CTC1: variants seen among roughly 807,000 people sequenced by gnomAD.
The protein encoded by CTC1 is CST complex subunit CTC1.
Under a neutral mutation model 136.3 loss-of-function variants are expected in CTC1, and 91 were observed. That is an observed-to-expected ratio of 0.67 (90% CI 0.56 to 0.79). The LOEUF (loss-of-function observed/expected upper bound fraction) is 0.79. Ranked by LOEUF, CTC1 falls within the 30% of genes least tolerant of loss-of-function variation. The probability of loss-of-function intolerance (pLI) is 0.00; values close to 1 mark genes in which losing one functional copy is unlikely to be tolerated. For missense variants in CTC1, 1,432 were observed against 1,498.1 expected (o/e 0.96, Z 0.73); for synonymous variants, 606 against 613.8 (o/e 0.99, Z 0.19).
Position 8,231,807 on chromosome 17 carries a change from G to C in CTC1, c.2394C>G (p.Leu798=), listed in dbSNP as rs756329116. ...GNDDNDQKVH[L]IFFGSSVRWF... is the part of the protein sequence containing the mutation. ...AGCGGACTGAAGAGCCAAAGAAAAT[G>C]AGGTGAACCTGGGAGGATGGAGAGC... is the stretch of plus-strand genomic sequence containing the variant. The change falls in exon 14 of 23, where the codon CTC becomes CTG. Residue 798 remains leucine, a synonymous_variant. Transcript: ENST00000651323. 6.2e-7 allele frequency: 1 copy of C among 1,614,224 alleles called. No homozygotes were observed. The highest frequency in any genetic ancestry group is 1.1e-5 in the South Asian group (1 of 91,086).
intron 2 of CTC1, among the ~76,000 whole-genome samples, chr17:8,242,697 A>G (rs1019888869): frequency 1.3e-5 from 2 of 151,678 alleles, no homozygotes; most frequent in African/African-American, 4.8e-5. Flanking sequence ...TACACAAAAT[A>G]AAGATAACAC....
At chr17:8,232,830 CT>C in intron 11 of CTC1, 75 bp downstream of exon 11, 1 of 1,572,128 alleles carries the variant, frequency 6.4e-7, no homozygotes, top group Non-Finnish European at 8.7e-7. Flanking sequence ...TCCCAGCAGG[CT>C]TTTCCTCCCA....
intron 10 of CTC1, 145 bp from the exon 11 acceptor site, chr17:8,233,177 T>C (rs946654422): frequency 1.2e-4 from 101 of 826,318 alleles, no homozygotes; most frequent in Non-Finnish European, 1.8e-4. Context: ...TATATTCAAG[T>C]GGGGAAGACA....
In CTC1 at chr17:8,243,463, G is replaced by A. The variant is rs537436045; in HGVS notation, c.34-315C>T. ...GAACCCAGGAGGCGGAGGTTGTGGT[G>A]AGCCAAGATCGAGCCATTGCACTCC... On this transcript the variant is annotated intron_variant, in intron 1 of 22. Transcript: ENST00000651323. Among the ~76,000 whole-genome samples the A allele has an allele frequency of 2.6e-5, 4 of 151,070 alleles. No individual in the cohort carries two copies. In the South Asian group the frequency reaches 8.4e-4, roughly 32 times the overall value.
chr17:8,229,371 G>A lies in CTC1; in HGVS notation c.3087C>T (p.Cys1029=), dbSNP rs775991134. 1.1e-4 allele frequency: 173 copies of A among 1,614,094 alleles called. 3 individuals carry two copies. In the Admixed American group the frequency reaches 1.7e-3, roughly 16 times the overall value. Residue 1029 remains cysteine (C), a synonymous_variant, in exon 19 of 23, where the codon TGC becomes TGT. Transcript: ENST00000651323. Reference sequence around the variant, plus strand: ...GAAGGCTGAAGACAGAGACGATATGGCAAGAGGCAGTGGCCTGGAATGGGG... The same window carrying A: ...GAAGGCTGAAGACAGAGACGATATGACAAGAGGCAGTGGCCTGGAATGGGG... ...GQSPFQATAS[C]HIVSVFSLQL...
rs71159568 is a variant in CTC1, at chr17:8,237,665, CAAAAAAAAAAAAAAAAAAAAAAAAA to C, written c.648-171_648-147del. The C allele has an allele frequency of 1.2e-4, 7 of 58,366 alleles. 1 individual carries two copies. Among genetic ancestry groups the C allele is most frequent in the East Asian group, 3.7e-4 (1 of 2,696 alleles). 3.6% of individuals were successfully genotyped at this position (58,366 alleles called of 1,614,324 possible). On this transcript the variant is annotated intron_variant, in intron 4 of 22. Transcript: ENST00000651323. ...GGGCAGCAGGAGTGAAACTACGTCT[CAAAAAAAAAAAAAAAAAAAAAAAAA>C]AAAAAAAAAAAAGCAGCAGCAGTCA... is the stretch of plus-strand genomic sequence containing the variant.
intron 18 of CTC1, 35 bp from the exon 19 acceptor site, chr17:8,229,481 A>G (rs761612005): frequency 2.5e-6 from 4 of 1,595,186 alleles, no homozygotes; most frequent in African/African-American, 2.7e-5. Context: ...ACAGGGGTCA[A>G]GATAACAGAA....
Position 8,235,138 on chromosome 17 carries a change from G to T in CTC1, c.1354C>A (p.Leu452Met), listed in dbSNP as rs1987595222. 1 of 1,614,062 alleles carries T rather than the reference G, an allele frequency of 6.2e-7. No homozygotes were observed. The highest frequency in any genetic ancestry group is 1.1e-5 in the South Asian group (1 of 91,082). Residue 452 changes from leucine (L) to methionine (M), a missense_variant, in exon 8 of 23, where the codon CTG (leucine) becomes ATG (methionine). Transcript: ENST00000651323. ...CGTTCCCACACCAGCTGCTCGTACA[G>T]GGAGGCCCCGTAGGCTTGACGGGAT... ...HSSRQAYGASLYEQLVWERQL... is the reference protein window; with the variant it reads ...HSSRQAYGASMYEQLVWERQL...
chr17:8,242,123 G>A (rs1417657044), intron 2 of CTC1, among the ~76,000 whole-genome samples: 2 of 151,858 alleles, frequency 1.3e-5, no homozygotes, highest in African/African-American at 2.4e-5. Flanking sequence ...TCCGCCTCCC[G>A]GGTTCAAGCG....
Position 8,242,869 on chromosome 17 carries a change from C to T in CTC1, c.197+116G>A, listed in dbSNP as rs919824389. On this transcript the variant is annotated intron_variant, in intron 2 of 22. Coordinates refer to ENST00000651323, the MANE Select transcript of CTC1 (RefSeq NM_025099.6). The stretch of plus-strand genomic sequence containing the variant: ...CTGCAGAAGGGGTATGTTTAGACTA[C>T]CTTGTCCTCCGCTCACTCTCTCACT... The T allele has an allele frequency of 4.4e-6, 4 of 914,496 alleles. No homozygotes were observed. In the African/African-American group the frequency reaches 6.9e-5, roughly 16 times the overall value. 56.6% of individuals were successfully genotyped at this position (914,496 alleles called of 1,614,324 possible). A position where few individuals can be genotyped will look rare whatever the true frequency, so the allele number is the denominator to read the frequency against.
intron 10 of CTC1, 75 bp downstream of exon 10, chr17:8,234,379 GT>G (rs1415831388): frequency 7.3e-7 from 1 of 1,374,384 alleles, no homozygotes; most frequent in African/African-American, 1.4e-5. Flanking sequence ...AAGAAAGATA[GT>G]AACCGAGACT....
chr17:8,247,600 C>A (rs1297710922), intron 1 of CTC1: 2 of 178,714 alleles, frequency 1.1e-5, no homozygotes, highest in African/African-American at 2.4e-5. Flanking sequence ...TGAGCCACCA[C>A]ACCCAGCCCC....
rs199698527 is a variant in CTC1, at chr17:8,234,802, G to C, written c.1564C>G (p.Arg522Gly). ...TCAAGGATCTCATTGTGTGCATTCC[G>C]AACAGGGCTGCCTGGCGGAGCTAGA... ...DLLAPPGSPVRNAHNEILEEP... is the reference protein window; with the variant it reads ...DLLAPPGSPVGNAHNEILEEP... The change falls in exon 9 of 23, where the codon CGG (arginine) becomes GGG (glycine). Residue 522 changes from arginine (R) to glycine (G), a missense_variant. Coordinates refer to ENST00000651323, the MANE Select transcript of CTC1 (RefSeq NM_025099.6). 6.2e-7 allele frequency: 1 copy of C among 1,611,994 alleles called. No homozygotes were observed. The highest frequency in any genetic ancestry group is 1.7e-4 in the Middle Eastern group (1 of 6,050).
intron 2 of CTC1, among the ~76,000 whole-genome samples, chr17:8,242,531 GAGAAAAAAAAA>G (rs770617210): frequency 0.16 from 13,100 of 79,700 alleles, 1,168 homozygotes; most frequent in East Asian, 0.46. Context: ...ATAGTGTAGA[GAGAAAAAAAAA>G]AAAAAAAAAA....
intron 13 of CTC1, 24 bp from the exon 14 acceptor site, chr17:8,231,839 C>G (rs776433234): frequency 3.7e-6 from 6 of 1,613,966 alleles, no homozygotes; most frequent in Non-Finnish European, 5.1e-6. Flanking sequence ...GAGCAAAGTG[C>G]TGGGATCCTA....
At chr17:8,235,803 T>C (rs1280167613) in intron 7 of CTC1, 28 bp downstream of exon 7, 1 of 1,565,804 alleles carries the variant, frequency 6.4e-7, no homozygotes, top group Non-Finnish European at 8.7e-7. Context: ...AGAGGTCTCT[T>C]TTTGTTATCA....
chr17:8,247,346 G>C (rs557091692), intron 1 of CTC1, among the ~76,000 whole-genome samples: 14 of 115,322 alleles, frequency 1.2e-4, no homozygotes, highest in Non-Finnish European at 2.1e-4. Flanking sequence ...GTCTCGCTCT[G>C]TTGCCCAGGC....
Position 8,229,945 on chromosome 17 carries a change from A to T in CTC1, c.2957T>A (p.Phe986Tyr). ...GACCTGCACATAAGTGGATGACCGG[A>T]AACAACAATAAACATTGTGAGATCT... ...VSRSHNVYCCFRSSTYVQVLS... is the reference protein window; with the variant it reads ...VSRSHNVYCCYRSSTYVQVLS... The change falls in exon 18 of 23, where the codon TTC becomes TAC. Residue 986 changes from phenylalanine to tyrosine, a missense_variant. Physicochemically the swap from Phe to Tyr is conservative, Grantham distance 22. Transcript: ENST00000651323. 1 of 1,614,176 alleles carries T rather than the reference A, an allele frequency of 6.2e-7. No homozygotes were observed. Among genetic ancestry groups the T allele is most frequent in the Non-Finnish European group, 8.5e-7 (1 of 1,180,024 alleles).
chr17:8,242,871 T>C, intron 2 of CTC1, 114 bp downstream of exon 2: 1 of 932,454 alleles, frequency 1.1e-6, no homozygotes, highest in Non-Finnish European at 1.6e-6. Flanking sequence ...TTAGACTACC[T>C]TGTCCTCCGC....
Sources: allele counts gnomAD v4.1 joint callset (sites outside exome capture counted in the v4.1 genomes callset), GRCh38; gene constraint gnomAD v4.1.1; transcripts MANE v1.5; gene names NCBI Gene and HGNC (gene_info 2026-07-23, HGNC 2026-07-21).